Variants in KCNIP4 observed in about 807,000 individuals in gnomAD.
KCNIP4 encodes Kv channel-interacting protein 4.
A neutral mutation model predicts 34.0 loss-of-function variants in KCNIP4; 12 were observed. The ratio of observed to expected loss-of-function variants is 0.35; its 90% confidence interval spans 0.23 to 0.57. The LOEUF (loss-of-function observed/expected upper bound fraction) is 0.57. Among genes scored for constraint, KCNIP4 ranks in the 20% least tolerant of loss-of-function variants. The pLI, the probability that KCNIP4 is intolerant of heterozygous loss-of-function variation, is 0.83. For synonymous variants in KCNIP4, 124 were observed against 102.2 expected, an observed-to-expected ratio of 1.21 and a Z score of -1.29; for missense variants, 238 against 311.7, an observed-to-expected ratio of 0.76 and a Z score of 1.78.
intron 1 of KCNIP4, among the ~76,000 whole-genome samples, chr4:21,593,675 C>G (rs1037029334): frequency 6.6e-6 from 1 of 152,096 alleles, no homozygotes; most frequent in South Asian, 2.1e-4. Flanking sequence ...GGTGAGAATT[C>G]CCACACCTTG....
chr4:21,043,632 C>A (rs868001300), intron 1 of KCNIP4, among the ~76,000 whole-genome samples: 1 of 152,062 alleles, frequency 6.6e-6, no homozygotes, highest in Non-Finnish European at 1.5e-5. Context: ...AGCCACTGCA[C>A]CCAGCCCTGT....
At chr4:21,446,328 T>A (rs1428571250) in intron 1 of KCNIP4, among the ~76,000 whole-genome samples, 2 of 152,080 alleles carry the variant, frequency 1.3e-5, no homozygotes, top group Non-Finnish European at 2.9e-5. Context: ...TGCACACATA[T>A]GTTTATTGCA....
chr4:20,853,825 G>C (rs1223014762), intron 2 of KCNIP4, among the ~76,000 whole-genome samples: 1 of 152,060 alleles, frequency 6.6e-6, no homozygotes, highest in African/African-American at 2.4e-5. Flanking sequence ...CCATCAAAAA[G>C]TAAGCTAAAG....
intron 1 of KCNIP4, among the ~76,000 whole-genome samples, chr4:21,209,573 C>A (rs1427753101): frequency 6.6e-6 from 1 of 151,920 alleles, no homozygotes; most frequent in Non-Finnish European, 1.5e-5. Context: ...AGTAAGATTT[C>A]TTTTATTATT....
rs368366768 is a variant in KCNIP4, at chr4:20,920,300, T to C, written c.62-37591A>G. ...CAATTCCTGGACAGCCCTGCCGATA[T>C]GGACTAGGAAAAAATTAATTGTCCT... On this transcript the variant is annotated intron_variant, in intron 1 of 8. Coordinates refer to ENST00000382152, the MANE Select transcript of KCNIP4 (RefSeq NM_025221.6). 7.8e-4 allele frequency among the ~76,000 whole-genome samples: 119 copies of C among 152,326 alleles called. 2 individuals carry two copies. In the South Asian group the frequency reaches 0.024, roughly 31 times the overall value.
chr4:21,645,990 G>C (rs1021825856), intron 1 of KCNIP4, among the ~76,000 whole-genome samples: 2 of 152,152 alleles, frequency 1.3e-5, no homozygotes, highest in Non-Finnish European at 2.9e-5. Context: ...AATATCACCA[G>C]ACCTGCAGTA....
At chr4:21,450,113 A>G (rs1728386191) in intron 1 of KCNIP4, among the ~76,000 whole-genome samples, 1 of 152,142 alleles carries the variant, frequency 6.6e-6, no homozygotes, top group African/African-American at 2.4e-5. Flanking sequence ...GCGGGGAAAC[A>G]AAGGATGCCA....
intron 1 of KCNIP4, among the ~76,000 whole-genome samples, chr4:21,092,498 T>G (rs960424717): frequency 2.6e-5 from 4 of 152,168 alleles, no homozygotes; most frequent in African/African-American, 4.8e-5. Flanking sequence ...AAAATATATG[T>G]TATGGTTAAA....
At position 20,834,671 on chromosome 4, in the gene KCNIP4, G is replaced by A. The variant is rs571087014; in HGVS notation, c.288+15872C>T. 8.8e-4 allele frequency among the ~76,000 whole-genome samples: 119 copies of A among 135,930 alleles called. 1 individual carries two copies. The highest frequency in any genetic ancestry group is 2.8e-3 in the African/African-American group (109 of 39,192). The allele number at this position is 135,930 out of a possible 152,430, so 89.2% of individuals were successfully genotyped here. A position where few individuals can be genotyped will look rare whatever the true frequency, so the allele number is the denominator to read the frequency against. On this transcript the variant is annotated intron_variant, in intron 3 of 8. Transcript: ENST00000382152. ...AGTGGAGGAGATGGTTGTTAGCACC[G>A]TGATGGAAAGGTATTGGGAAATGCT... is the stretch of plus-strand genomic sequence containing the variant.
chr4:21,154,512 T>C (rs16870481), intron 1 of KCNIP4, among the ~76,000 whole-genome samples: 3,842 of 152,302 alleles, frequency 0.025, 184 homozygotes, highest in African/African-American at 0.086. Context: ...GATTCTCATT[T>C]CATTCATGTT....
At chr4:21,264,959 C>T (rs143216298) in intron 1 of KCNIP4, among the ~76,000 whole-genome samples, 13 of 152,016 alleles carry the variant, frequency 8.6e-5, no homozygotes, top group African/African-American at 2.7e-4. Context: ...CTTAGCCAGG[C>T]GTGGTGACTT....
At chr4:21,414,299 CAT>C (rs546522139) in intron 1 of KCNIP4, among the ~76,000 whole-genome samples, 52 of 152,180 alleles carry the variant, frequency 3.4e-4, no homozygotes, top group Admixed American at 1.4e-3. Flanking sequence ...AGAGAGTAAA[CAT>C]AAAGTGCAAA....
At chr4:20,855,482 T>A (rs1488139450) in intron 2 of KCNIP4, among the ~76,000 whole-genome samples, 1 of 152,144 alleles carries the variant, frequency 6.6e-6, no homozygotes, top group Non-Finnish European at 1.5e-5. Context: ...GGAAATGTAG[T>A]CCTTTTTGCC....
chr4:21,359,172 G>C (rs1718964341), intron 1 of KCNIP4, among the ~76,000 whole-genome samples: 1 of 152,024 alleles, frequency 6.6e-6, no homozygotes, highest in African/African-American at 2.4e-5. Context: ...TTCACTGAAG[G>C]CCTGAGTGGA....
At chr4:21,388,900 T>C (rs1307719174) in intron 1 of KCNIP4, among the ~76,000 whole-genome samples, 1 of 152,126 alleles carries the variant, frequency 6.6e-6, no homozygotes. Context: ...TTGATAGACA[T>C]TTGGGTTGTT....
At chr4:21,313,449 G>A (rs1383002000) in intron 1 of KCNIP4, among the ~76,000 whole-genome samples, 1 of 152,122 alleles carries the variant, frequency 6.6e-6, no homozygotes, top group African/African-American at 2.4e-5. Flanking sequence ...TTTATATGCT[G>A]TAGTTTAATT....
chr4:20,899,627 T>TA (rs1322242433), intron 1 of KCNIP4, among the ~76,000 whole-genome samples: 4 of 152,218 alleles, frequency 2.6e-5, no homozygotes, highest in Non-Finnish European at 5.9e-5. Flanking sequence ...AATCAAGTCT[T>TA]ACACTATTTG....
intron 1 of KCNIP4, among the ~76,000 whole-genome samples, chr4:21,182,533 T>A (rs903365915): frequency 6.6e-6 from 1 of 151,926 alleles, no homozygotes; most frequent in Non-Finnish European, 1.5e-5. Context: ...TGTGTAGTCA[T>A]GAAGTATGGG....
intron 1 of KCNIP4, among the ~76,000 whole-genome samples, chr4:21,598,458 A>AAG (rs1742829453): frequency 6.6e-6 from 1 of 152,060 alleles, no homozygotes; most frequent in African/African-American, 2.4e-5. Context: ...TAGCTATAGG[A>AAG]GATATGTAAA....
Sources: gnomAD v4.1 joint callset for allele counts (sites outside exome capture counted in the v4.1 genomes callset) on GRCh38, gnomAD v4.1.1 for gene constraint, MANE v1.5 for transcripts, NCBI Gene and HGNC (gene_info 2026-07-23, HGNC 2026-07-21) for gene names.